RTTN: variants seen among roughly 807,000 people sequenced by gnomAD.
RTTN encodes rotatin.
In RTTN, 182 loss-of-function variants were observed where a neutral mutation model predicts 269.2. The ratio of observed to expected loss-of-function variants is 0.68; its 90% CI spans 0.60 to 0.76. The LOEUF (loss-of-function observed/expected upper bound fraction) is 0.76. Ranked by LOEUF, RTTN falls within the 30% of genes least tolerant of loss-of-function variation. The pLI, the probability that RTTN is intolerant of heterozygous loss-of-function variation, is 0.00. For synonymous variants in RTTN, 1,006 were observed against 963.5 expected, an observed-to-expected ratio of 1.04 and a Z score of -0.82; for missense variants, 2,545 against 2,608.6, an observed-to-expected ratio of 0.98 and a Z score of 0.53.
chr18:70,061,654 T>C (rs1219752949), intron 35 of RTTN, among the ~76,000 whole-genome samples: 2 of 152,056 alleles, frequency 1.3e-5, no homozygotes, highest in African/African-American at 2.4e-5. Flanking sequence ...CTGAGCAACA[T>C]ACAGAAACCT....
At chr18:70,171,682 C>A (rs1309913125) in intron 11 of RTTN, among the ~76,000 whole-genome samples, 1 of 152,154 alleles carries the variant, frequency 6.6e-6, no homozygotes, top group Non-Finnish European at 1.5e-5. Flanking sequence ...TCCATCACCC[C>A]ATTAGATAAA....
chr18:70,100,525 C>CA (rs1293141819), intron 28 of RTTN, among the ~76,000 whole-genome samples: 4 of 152,190 alleles, frequency 2.6e-5, no homozygotes, highest in African/African-American at 9.7e-5. Flanking sequence ...CATCTGCAAA[C>CA]AGGGACAATT....
At chr18:70,047,226 T>C (rs1005976052) in intron 40 of RTTN, among the ~76,000 whole-genome samples, 1 of 152,226 alleles carries the variant, frequency 6.6e-6, no homozygotes, top group African/African-American at 2.4e-5. Flanking sequence ...CTACTACTTT[T>C]CTGCCTTTCA....
intron 30 of RTTN, among the ~76,000 whole-genome samples, chr18:70,090,132 G>C (rs1247721969): frequency 1.3e-5 from 2 of 152,280 alleles, no homozygotes; most frequent in African/African-American, 2.4e-5. Flanking sequence ...GAACTAAAGA[G>C]GACAGAGAAA....
chr18:70,066,040 G>T, intron 34 of RTTN, 118 bp from the exon 35 acceptor site: 4 of 524,144 alleles, frequency 7.6e-6, no homozygotes, highest in Non-Finnish European at 9.7e-6. Flanking sequence ...ATACTAGTTA[G>T]GATAACTAGA....
chr18:70,153,626 G>A (rs967784529), intron 14 of RTTN, among the ~76,000 whole-genome samples: 2 of 152,142 alleles, frequency 1.3e-5, no homozygotes, highest in Non-Finnish European at 2.9e-5. Flanking sequence ...CACATTACTA[G>A]CACGCTCCTA....
chr18:70,150,105 C>T lies in RTTN; in HGVS notation c.2056-18G>A, dbSNP rs1477500731. ...GTGTTCACCTGCTCAACAACACAGA[C>T]CCGATAAACCAGTCAAATGAGATGT... On this transcript the variant is annotated intron_variant, in intron 15 of 48. Transcript: ENST00000640769. 5 of 1,518,024 alleles carry T rather than the reference C, an allele frequency of 3.3e-6. No homozygotes were observed. Among genetic ancestry groups the T allele is most frequent in the Non-Finnish European group, 4.6e-6 (5 of 1,094,626 alleles). 94.0% of individuals were successfully genotyped at this position (1,518,024 alleles called of 1,614,324 possible).
chr18:70,068,169 C>T (rs942461795), intron 34 of RTTN, among the ~76,000 whole-genome samples: 2 of 152,184 alleles, frequency 1.3e-5, no homozygotes, highest in Non-Finnish European at 2.9e-5. Context: ...TAGATATAAT[C>T]TCCAATCGAT....
At chr18:70,061,284 C>T in intron 35 of RTTN, 1 of 452,802 alleles carries the variant, frequency 2.2e-6, no homozygotes, top group Admixed American at 2.4e-5. Flanking sequence ...TAGTGAACAC[C>T]TCCATTAACC....
intron 3 of RTTN, among the ~76,000 whole-genome samples, chr18:70,203,773 A>G (rs560374099): frequency 3.3e-5 from 5 of 152,356 alleles, no homozygotes; most frequent in South Asian, 2.1e-4. Context: ...ATAAAGCACT[A>G]AGAACAATGA....
intron 37 of RTTN, 143 bp downstream of exon 37, chr18:70,057,599 G>A (rs1295238167): frequency 1.7e-6 from 1 of 600,362 alleles, no homozygotes; most frequent in Non-Finnish European, 2.9e-6. Flanking sequence ...AAAATTTCAA[G>A]TAACGTATTT....
chr18:70,028,072 T>C (rs2056903716), intron 43 of RTTN, among the ~76,000 whole-genome samples: 1 of 152,232 alleles, frequency 6.6e-6, no homozygotes, highest in African/African-American at 2.4e-5. Flanking sequence ...ATCTAGTATT[T>C]CTGCATTAAA....
intron 14 of RTTN, among the ~76,000 whole-genome samples, chr18:70,155,281 G>C (rs997211580): frequency 2.6e-5 from 4 of 152,000 alleles, no homozygotes; most frequent in African/African-American, 9.7e-5. Flanking sequence ...CCACCATCTA[G>C]AGAATACAAG....
rs758992737 is a variant in RTTN, at chr18:70,061,428, C to G, written c.4748-1386G>C. On this transcript the variant is annotated intron_variant, in intron 35 of 48. Coordinates refer to ENST00000640769, the MANE Select transcript of RTTN (RefSeq NM_173630.4). ...AAAGTGGAGAATGGAGTTTGGAAAG[C>G]AAGATTTGGGCACTAAATGTATACA... The G allele has an allele frequency of 6.6e-6, 3 of 455,992 alleles. No homozygotes were observed. In the East Asian group the frequency reaches 2.1e-4, roughly 32 times the overall value. 28.2% of individuals were successfully genotyped at this position (455,992 alleles called of 1,614,324 possible).
chr18:70,205,281 G>A lies in RTTN; in HGVS notation c.66C>T (p.Leu22=), dbSNP rs2062047686. 1 of 1,614,106 alleles carries A rather than the reference G, an allele frequency of 6.2e-7. No individual in the cohort carries two copies. The highest frequency in any genetic ancestry group is 1.1e-5 in the South Asian group (1 of 91,094). Residue 22 remains leucine (L), a synonymous_variant, in exon 2 of 49, where the codon CTC becomes CTT. Coordinates refer to ENST00000640769, the MANE Select transcript of RTTN (RefSeq NM_173630.4). ...HQLAEIRERA[L]KSILCKIEHN... ...GCTCAATCTTGCAGAGAATACTCTT[G>A]AGAGCGCGCTCCCTGATCTCGGCCA...
At chr18:70,070,877 G>C (rs2058276572) in intron 34 of RTTN, among the ~76,000 whole-genome samples, 1 of 152,138 alleles carries the variant, frequency 6.6e-6, no homozygotes, top group South Asian at 2.1e-4. Context: ...GAATCCTAAG[G>C]AATATTTGAA....
rs1040282375 is a variant in RTTN, at chr18:70,092,222, T to C, written c.4033-2A>G. On this transcript the variant is annotated splice_acceptor_variant, in intron 29 of 48. Coordinates refer to ENST00000640769, the MANE Select transcript of RTTN (RefSeq NM_173630.4). LOFTEE classifies it high-confidence loss of function. ...CAAGAACCAAAGTGACATCCACTCC[T>C]AGAGGGAAAAAAGGGAAACAGAAAT... The C allele has an allele frequency of 6.4e-7, 1 of 1,563,786 alleles. No homozygotes were observed. The highest frequency in any genetic ancestry group is 1.4e-5 in the African/African-American group (1 of 73,628).
intron 28 of RTTN, among the ~76,000 whole-genome samples, chr18:70,103,267 G>A (rs146080858): frequency 0.021 from 3,178 of 152,174 alleles, 48 homozygotes; most frequent in Middle Eastern, 0.041. Flanking sequence ...AAGAGACAGC[G>A]ACCATCGAGA....
At chr18:70,012,236 C>G (rs2056401856) in intron 46 of RTTN, among the ~76,000 whole-genome samples, 1 of 140,788 alleles carries the variant, frequency 7.1e-6, no homozygotes, top group Non-Finnish European at 1.5e-5. Flanking sequence ...GTATTAGTTA[C>G]AGCACAGTGT....
Sources: allele counts gnomAD v4.1 joint callset (sites outside exome capture counted in the v4.1 genomes callset), GRCh38; gene constraint gnomAD v4.1.1; transcripts MANE v1.5; gene names NCBI Gene and HGNC (gene_info 2026-07-23, HGNC 2026-07-21).